Variants in ARHGAP42 observed in about 807,000 individuals in gnomAD.
ARHGAP42 encodes the protein rho GTPase-activating protein 42.
Under a neutral mutation model 125.0 loss-of-function variants are expected in ARHGAP42, and 63 were observed. That is an observed-to-expected ratio of 0.50 (90% CI 0.41 to 0.62). The LOEUF (loss-of-function observed/expected upper bound fraction) is 0.62, where lower values mean the gene tolerates loss of function less well. Ranked by LOEUF, ARHGAP42 falls within the 20% of genes least tolerant of loss-of-function variation. The pLI is 0.00. For synonymous variants in ARHGAP42, 339 were observed against 351.0 expected (o/e 0.97, Z 0.38); for missense variants, 766 against 1,024.2 (o/e 0.75, Z 3.44).
intron 22 of ARHGAP42, among the ~76,000 whole-genome samples, chr11:100,982,896 T>C (rs1411776024): frequency 6.6e-6 from 1 of 152,180 alleles, no homozygotes; most frequent in Non-Finnish European, 1.5e-5. Flanking sequence ...CAGTTACATA[T>C]GTAAGACACA....
rs1345147085 is a variant in ARHGAP42 at position 100,989,997 on chromosome 11, A to G, written c.*1196A>G. The G allele has an allele frequency of 6.6e-6, 1 of 152,196 alleles. No individual in the cohort carries two copies. The highest frequency in any genetic ancestry group is 1.5e-5 in the Non-Finnish European group (1 of 68,028). The allele number at this position is 152,196 out of a possible 1,614,324, so 9.4% of individuals were successfully genotyped here. A position where few individuals can be genotyped will look rare whatever the true frequency, so the allele number is the denominator to read the frequency against. ...TTTTCTTTTATGCCTTTTAGTTTAC[A>G]GTCTTTATTAGCAATTTCAGTGAAT... On this transcript the variant is annotated 3_prime_UTR_variant, in exon 24 of 24. Transcript: ENST00000298815.
intron 4 of ARHGAP42, among the ~76,000 whole-genome samples, chr11:100,903,709 A>AAAAAAAAAAAAAAAAT (rs1332890022): frequency 1.1e-4 from 7 of 63,502 alleles, no homozygotes; most frequent in Admixed American, 1.8e-4. Flanking sequence ...TGTCCCTCAA[A>AAAAAAAAAAAAAAAAT]ATATATATAT....
intron 21 of ARHGAP42, among the ~76,000 whole-genome samples, 173 bp from the exon 22 acceptor site, chr11:100,978,814 A>C (rs1733689944): frequency 6.6e-6 from 1 of 152,208 alleles, no homozygotes; most frequent in Non-Finnish European, 1.5e-5. Flanking sequence ...GCTGGAGGTT[A>C]GATCTAAAAA....
At chr11:100,745,926 A>G (rs1862293673) in intron 1 of ARHGAP42, among the ~76,000 whole-genome samples, 1 of 152,240 alleles carries the variant, frequency 6.6e-6, no homozygotes, top group South Asian at 2.1e-4. Context: ...CTTTAAATTG[A>G]TATGGTATTC....
chr11:100,912,112 G>T (rs1203873923), intron 4 of ARHGAP42, among the ~76,000 whole-genome samples: 1 of 152,044 alleles, frequency 6.6e-6, no homozygotes, highest in Non-Finnish European at 1.5e-5. Flanking sequence ...AAACTTAAGA[G>T]TGCCAATGGA....
chr11:100,992,449 C>T lies in ARHGAP42; in HGVS notation c.*3648C>T. ...CCTTAGGGTACACATTGCTATTTAA[C>T]TTTGCCTCCTACCCTTTTTTGTTAC... On this transcript the variant is annotated 3_prime_UTR_variant, in exon 24 of 24. Coordinates refer to ENST00000298815, the MANE Select transcript of ARHGAP42 (RefSeq NM_152432.4). 6.2e-7 allele frequency: 1 copy of T among 1,614,128 alleles called. No individual in the cohort carries two copies. Among genetic ancestry groups the T allele is most frequent in the Non-Finnish European group, 8.5e-7 (1 of 1,179,962 alleles).
At chr11:100,920,376 C>T (rs1391361026) in intron 5 of ARHGAP42, among the ~76,000 whole-genome samples, 1 of 152,130 alleles carries the variant, frequency 6.6e-6, no homozygotes, top group African/African-American at 2.4e-5. Flanking sequence ...TCTTCCAAAA[C>T]TTAATTACTA....
chr11:100,895,605 G>C (rs1045358436), intron 4 of ARHGAP42, among the ~76,000 whole-genome samples: 1 of 151,602 alleles, frequency 6.6e-6, no homozygotes, highest in African/African-American at 2.4e-5. Flanking sequence ...CTTCCAGCTG[G>C]AGGGAAGAAA....
chr11:100,700,124 G>A (rs565615467), intron 1 of ARHGAP42, among the ~76,000 whole-genome samples: 1 of 152,198 alleles, frequency 6.6e-6, no homozygotes, highest in South Asian at 2.1e-4. Context: ...TAAATTTTTT[G>A]GTTTCCCAGT....
chr11:100,711,731 A>G (rs1038149876), intron 1 of ARHGAP42, among the ~76,000 whole-genome samples: 24 of 152,340 alleles, frequency 1.6e-4, no homozygotes, highest in African/African-American at 5.5e-4. Flanking sequence ...TGCAATAAAC[A>G]AGGGGAAAGA....
rs538529013 is a variant in ARHGAP42 at position 100,985,990 on chromosome 11, T to A, written c.2457-1523T>A. 11 of 455,702 alleles carry A rather than the reference T, an allele frequency of 2.4e-5. No individual in the cohort carries two copies. In the East Asian group the frequency reaches 5.6e-4, roughly 23 times the overall value. The allele number at this position is 455,702 out of a possible 1,614,324, so 28.2% of individuals were successfully genotyped here. ...GTGCTGGGACCCCAAGGAGGATAGA[T>A]AAGGTGCCCTGAATCTTTAAAAAGA... On this transcript the variant is annotated intron_variant, in intron 22 of 23. Transcript: ENST00000298815.
At chr11:100,857,032 A>C (rs573610349) in intron 3 of ARHGAP42, among the ~76,000 whole-genome samples, 2 of 152,108 alleles carry the variant, frequency 1.3e-5, no homozygotes, top group East Asian at 3.9e-4. Context: ...ATTACCCATA[A>C]AATATTGACT....
At chr11:100,759,440 TCAGTTCTGTTTATTGA>T (rs1210620259) in intron 1 of ARHGAP42, among the ~76,000 whole-genome samples, 1 of 152,146 alleles carries the variant, frequency 6.6e-6, no homozygotes, top group African/African-American at 2.4e-5. Context: ...ATTCCCACAT[TCAGTTCTGTTTATTGA>T]CAGCTTCCTA....
intron 2 of ARHGAP42, among the ~76,000 whole-genome samples, chr11:100,776,269 T>C (rs754657673): frequency 6.6e-6 from 1 of 152,222 alleles, no homozygotes; most frequent in Non-Finnish European, 1.5e-5. Flanking sequence ...TTGGAAACCA[T>C]TGGAAAGTCC....
At chr11:100,968,121 T>C (rs74720930) in intron 17 of ARHGAP42, among the ~76,000 whole-genome samples, 3,102 of 152,344 alleles carry the variant, frequency 0.02, 98 homozygotes, top group African/African-American at 0.07. Context: ...CTTCTGGCTT[T>C]CATTTGGTTA....
chr11:100,861,096 A>G (rs758880449), intron 4 of ARHGAP42, among the ~76,000 whole-genome samples: 45 of 152,202 alleles, frequency 3.0e-4, no homozygotes, highest in African/African-American at 1.1e-3. Flanking sequence ...ATGGATCTGA[A>G]CTTGTCCAGG....
At chr11:100,980,229 G>A (rs1013903648) in intron 22 of ARHGAP42, among the ~76,000 whole-genome samples, 25 of 152,168 alleles carry the variant, frequency 1.6e-4, no homozygotes, top group East Asian at 5.8e-4. Flanking sequence ...CCTTTTGACC[G>A]AAGCATGGTG....
chr11:100,774,040 G>T (rs1863048346), intron 2 of ARHGAP42, among the ~76,000 whole-genome samples: 1 of 152,152 alleles, frequency 6.6e-6, no homozygotes, highest in South Asian at 2.1e-4. Flanking sequence ...AACAACTCCT[G>T]TAAAAATATA....
intron 21 of ARHGAP42, among the ~76,000 whole-genome samples, chr11:100,978,137 T>C (rs535989432): frequency 1.3e-5 from 2 of 152,310 alleles, no homozygotes; most frequent in South Asian, 2.1e-4. Flanking sequence ...GATGAGAGAA[T>C]ATAAACTCCA....
Sources: gnomAD v4.1 joint callset for allele counts (sites outside exome capture counted in the v4.1 genomes callset) on GRCh38, gnomAD v4.1.1 for gene constraint, MANE v1.5 for transcripts, NCBI Gene and HGNC (gene_info 2026-07-23, HGNC 2026-07-21) for gene names.